The following CDH23 variants were observed in gnomAD, a reference collection of about 807,000 sequenced individuals.
CDH23 encodes cadherin-23.
A neutral mutation model predicts 317.1 loss-of-function variants in CDH23; 189 were observed. The ratio of observed to expected loss-of-function variants is 0.60; its 90% confidence interval spans 0.53 to 0.67. The LOEUF is 0.67. CDH23 is among the 30% of genes least tolerant of loss of function. The probability of loss-of-function intolerance (pLI) is 0.00; values close to 1 mark genes in which losing one functional copy is unlikely to be tolerated. For synonymous variants in CDH23, 1,839 were observed against 1,876.8 expected (o/e 0.98, Z 0.52); for missense variants, 4,401 against 4,592.4 (o/e 0.96, Z 1.20).
At chr10:71,771,990 G>A (rs926890044) in intron 38 of CDH23, among the ~76,000 whole-genome samples, 3 of 152,348 alleles carry the variant, frequency 2.0e-5, no homozygotes, top group East Asian at 3.9e-4. Context: ...TGACAGGTGG[G>A]ATGCTGGCTT....
intron 69 of CDH23, among the ~76,000 whole-genome samples, chr10:71,814,281 G>A (rs1422397454): frequency 6.6e-6 from 1 of 152,226 alleles, no homozygotes; most frequent in African/African-American, 2.4e-5. Context: ...CAGATGTGGT[G>A]GCACACGCCC....
chr10:71,596,834 A>G (rs542469490), intron 9 of CDH23, among the ~76,000 whole-genome samples: 151 of 152,212 alleles, frequency 9.9e-4, no homozygotes, highest in African/African-American at 3.6e-3. Context: ...GAAGTGCTGA[A>G]CTGGCACTCC....
intron 10 of CDH23, 75 bp from the exon 11 acceptor site, chr10:71,617,130 G>A (rs1861228451): frequency 6.6e-7 from 1 of 1,521,340 alleles, no homozygotes. Context: ...CTGGTGCTGA[G>A]AAAGTCTTTG....
chr10:71,605,294 A>G (rs907835114), intron 9 of CDH23, among the ~76,000 whole-genome samples: 5 of 152,066 alleles, frequency 3.3e-5, no homozygotes, highest in African/African-American at 1.2e-4. Context: ...CAGATCAATC[A>G]AAAGAGAAAG....
chr10:71,592,612 C>T (rs1055728126), intron 9 of CDH23, among the ~76,000 whole-genome samples: 1 of 152,182 alleles, frequency 6.6e-6, no homozygotes. Flanking sequence ...TTCCCCCTGC[C>T]TCCCTCTAAT....
chr10:71,626,852 T>C (rs957614435), intron 11 of CDH23, among the ~76,000 whole-genome samples: 9 of 152,216 alleles, frequency 5.9e-5, no homozygotes, highest in Non-Finnish European at 1.5e-5. Flanking sequence ...TCCAACATTC[T>C]GTACCTCTCA....
intron 3 of CDH23, among the ~76,000 whole-genome samples, chr10:71,496,041 G>A (rs547086609): frequency 9.9e-5 from 15 of 152,276 alleles, no homozygotes; most frequent in African/African-American, 3.4e-4. Flanking sequence ...TAGTTCTGAT[G>A]CACACTCAAG....
intron 3 of CDH23, among the ~76,000 whole-genome samples, chr10:71,496,098 G>A (rs117667838): frequency 2.0e-5 from 3 of 152,312 alleles, no homozygotes; most frequent in Non-Finnish European, 2.9e-5. Context: ...TTGGCTGTAC[G>A]TGGGAATCAT....
chr10:71,492,125 G>A (rs56715628), intron 3 of CDH23, among the ~76,000 whole-genome samples: 1 of 152,208 alleles, frequency 6.6e-6, no homozygotes, highest in East Asian at 1.9e-4. Flanking sequence ...AGAGGGCATT[G>A]AAAGCCATGG....
rs995575194 is a variant in CDH23 at position 71,514,879 on chromosome 10, A to G, written c.429+3667A>G. Among the ~76,000 whole-genome samples, 14 of 152,222 alleles carry G rather than the reference A, an allele frequency of 9.2e-5. No individual in the cohort carries two copies. In the East Asian group the frequency reaches 2.7e-3, roughly 29 times the overall value. On this transcript the variant is annotated intron_variant, in intron 6 of 69. Transcript: ENST00000224721. ...TGGCTGTCATGCTGACTGCTGTTTG[A>G]TTTGCTGTAATAGACTTTTATGGCG...
At chr10:71,656,079 G>C (rs1863404046) in intron 14 of CDH23, among the ~76,000 whole-genome samples, 1 of 152,136 alleles carries the variant, frequency 6.6e-6, no homozygotes, top group African/African-American at 2.4e-5. Context: ...AGATGGGCTG[G>C]AGGCCTTCTG....
At chr10:71,722,612 G>A (rs1866609905) in intron 28 of CDH23, among the ~76,000 whole-genome samples, 1 of 152,250 alleles carries the variant, frequency 6.6e-6, no homozygotes, top group Non-Finnish European at 1.5e-5. Context: ...AGCAAAGATA[G>A]CATGTATCAG....
chr10:71,533,300 G>A (rs1855504978), intron 6 of CDH23, among the ~76,000 whole-genome samples: 1 of 152,170 alleles, frequency 6.6e-6, no homozygotes, highest in South Asian at 2.1e-4. Context: ...TCTGCATAAT[G>A]AGGACAGGAA....
chr10:71,439,620 T>C (rs1049082337), intron 1 of CDH23, among the ~76,000 whole-genome samples: 1 of 152,228 alleles, frequency 6.6e-6, no homozygotes, highest in African/African-American at 2.4e-5. Context: ...CACTGTGCTA[T>C]ACCCAGGATA....
intron 9 of CDH23, among the ~76,000 whole-genome samples, chr10:71,581,151 GGTTCATGTCA>G (rs1345781110): frequency 6.6e-6 from 1 of 152,272 alleles, no homozygotes; most frequent in Non-Finnish European, 1.5e-5. Context: ...CAGAAGGGAT[GGTTCATGTCA>G]CCCTGAGGGC....
intron 3 of CDH23, among the ~76,000 whole-genome samples, chr10:71,461,795 T>C (rs972076859): frequency 4.6e-5 from 7 of 152,232 alleles, no homozygotes; most frequent in African/African-American, 1.7e-4. Context: ...AGTCAGAGCG[T>C]TCATTACACA....
chr10:71,669,999 TC>T (rs1206585296), intron 14 of CDH23, among the ~76,000 whole-genome samples: 1 of 81,274 alleles, frequency 1.2e-5, no homozygotes, highest in African/African-American at 3.3e-5. Context: ...AGACTCCGTC[TC>T]AAAAAAAAAA....
intron 28 of CDH23, among the ~76,000 whole-genome samples, chr10:71,720,483 C>T (rs1160124875): frequency 3.3e-5 from 5 of 151,646 alleles, no homozygotes; most frequent in Non-Finnish European, 5.9e-5. Context: ...TCCCCAGAAG[C>T]CAGAGCTTCC....
chr10:71,566,392 A>T (rs893123781), intron 6 of CDH23, among the ~76,000 whole-genome samples: 1 of 152,126 alleles, frequency 6.6e-6, no homozygotes, highest in African/African-American at 2.4e-5. Flanking sequence ...GCTGGTCCCC[A>T]AAAAGGAAGC....
Sources: gnomAD v4.1 joint callset for allele counts (sites outside exome capture counted in the v4.1 genomes callset) on GRCh38, gnomAD v4.1.1 for gene constraint, MANE v1.5 for transcripts, NCBI Gene and HGNC (gene_info 2026-07-23, HGNC 2026-07-21) for gene names.